Variants in ADAMTSL3 observed in about 807,000 individuals in gnomAD.
The protein encoded by ADAMTSL3 is ADAMTS-like protein 3.
ADAMTSL3 carries 128 observed loss-of-function variants against 201.7 expected under a neutral mutation model. That is an observed-to-expected ratio of 0.63 (90% CI 0.55 to 0.73). The LOEUF (loss-of-function observed/expected upper bound fraction) is 0.73. Among genes scored for constraint, ADAMTSL3 ranks in the 30% least tolerant of loss-of-function variants. The pLI is 0.00. For synonymous variants in ADAMTSL3, 738 were observed against 748.4 expected (o/e 0.99, Z 0.23); for missense variants, 1,990 against 2,119.6 (o/e 0.94, Z 1.20).
intron 2 of ADAMTSL3, among the ~76,000 whole-genome samples, chr15:83,667,069 C>T (rs1013651017): frequency 1.3e-5 from 2 of 151,936 alleles, no homozygotes; most frequent in African/African-American, 4.8e-5. Flanking sequence ...GTCTAGGAGG[C>T]TCTTAATTTT....
chr15:84,022,152 C>T (rs1343601695), intron 26 of ADAMTSL3, among the ~76,000 whole-genome samples: 2 of 152,134 alleles, frequency 1.3e-5, no homozygotes, highest in Non-Finnish European at 1.5e-5. Context: ...TTGATGACTA[C>T]ATCCTAGATG....
In ADAMTSL3 at chr15:83,757,801, A is replaced by T. The variant is rs369715141; in HGVS notation, c.190-15722A>T. ...ACCTCTTGAATGCTTTGCTGCTTAG[A>T]AATTTCTTCCACCAGATACCCTGAA... On this transcript the variant is annotated intron_variant, in intron 3 of 29. Coordinates refer to ENST00000286744, the MANE Select transcript of ADAMTSL3 (RefSeq NM_207517.3). Among the ~76,000 whole-genome samples the T allele has an allele frequency of 1.1e-4, 17 of 152,286 alleles. No individual in the cohort carries two copies. In the East Asian group the frequency reaches 2.5e-3, roughly 23 times the overall value.
chr15:83,797,963 T>C (rs774762386), intron 4 of ADAMTSL3, among the ~76,000 whole-genome samples: 2 of 152,152 alleles, frequency 1.3e-5, no homozygotes, highest in Non-Finnish European at 2.9e-5. Context: ...TTTAGGAAAA[T>C]TGATCAATGA....
chr15:83,866,009 A>T (rs2064968121), intron 8 of ADAMTSL3, among the ~76,000 whole-genome samples: 1 of 152,268 alleles, frequency 6.6e-6, no homozygotes, highest in Admixed American at 6.5e-5. Flanking sequence ...ACATGAAAAA[A>T]TGCTCATCAT....
chr15:83,932,576 G>C (rs116726020), intron 17 of ADAMTSL3, among the ~76,000 whole-genome samples: 1,760 of 152,302 alleles, frequency 0.012, 34 homozygotes, highest in African/African-American at 0.04. Context: ...AGAACTATCT[G>C]TCTCAGGTCT....
At chr15:83,994,078 G>A (rs1393625871) in intron 23 of ADAMTSL3, among the ~76,000 whole-genome samples, 2 of 152,202 alleles carry the variant, frequency 1.3e-5, no homozygotes, top group African/African-American at 4.8e-5. Flanking sequence ...ATGGTAATGA[G>A]TTTGAGCTAG....
intron 21 of ADAMTSL3, among the ~76,000 whole-genome samples, chr15:83,986,170 G>C (rs1296983058): frequency 6.6e-6 from 1 of 152,066 alleles, no homozygotes; most frequent in Non-Finnish European, 1.5e-5. Context: ...TAGACTTCTG[G>C]GGGGTTCATG....
rs114298369 is a variant in ADAMTSL3 at position 83,757,508 on chromosome 15, C to T, written c.190-16015C>T. 4.6e-3 allele frequency among the ~76,000 whole-genome samples: 702 copies of T among 152,270 alleles called. 4 individuals are homozygous for T. Among genetic ancestry groups the T allele is most frequent in the African/African-American group, 0.016 (666 of 41,556 alleles). On this transcript the variant is annotated intron_variant, in intron 3 of 29. Coordinates refer to ENST00000286744, the MANE Select transcript of ADAMTSL3 (RefSeq NM_207517.3). Reference sequence around the variant, plus strand: ...CAGCAGGGGGGCCCTGGGCCCTGGCCCATGAAACCATTTGTTCCTCCTACG... The same window carrying T: ...CAGCAGGGGGGCCCTGGGCCCTGGCTCATGAAACCATTTGTTCCTCCTACG...
intron 15 of ADAMTSL3, among the ~76,000 whole-genome samples, chr15:83,908,598 A>G (rs11259930): frequency 0.63 from 95,402 of 152,056 alleles, 31,020 homozygotes; most frequent in African/African-American, 0.79. Flanking sequence ...CTCTTACTCT[A>G]TCTTTTCCTG....
chr15:83,669,157 T>G (rs1443623478), intron 2 of ADAMTSL3, among the ~76,000 whole-genome samples: 1 of 152,004 alleles, frequency 6.6e-6, no homozygotes, highest in Non-Finnish European at 1.5e-5. Context: ...TATTTATTTA[T>G]TTTTTTTAGA....
chr15:83,890,454 G>T (rs1230234760), intron 11 of ADAMTSL3, among the ~76,000 whole-genome samples: 1 of 152,160 alleles, frequency 6.6e-6, no homozygotes, highest in Non-Finnish European at 1.5e-5. Flanking sequence ...CTTGTCGTGG[G>T]CTATGTGTTC....
At chr15:83,949,667 C>G (rs1298885988) in intron 19 of ADAMTSL3, among the ~76,000 whole-genome samples, 3 of 152,140 alleles carry the variant, frequency 2.0e-5, no homozygotes, top group African/African-American at 4.8e-5. Flanking sequence ...TCCCTGCCAA[C>G]ATTTGTTATT....
At chr15:83,979,147 C>T (rs374119249) in intron 20 of ADAMTSL3, among the ~76,000 whole-genome samples, 5 of 152,340 alleles carry the variant, frequency 3.3e-5, no homozygotes, top group South Asian at 2.1e-4. Flanking sequence ...TGTGTGCTTC[C>T]GCACCATCCC....
At chr15:83,674,335 A>G (rs558151972) in intron 2 of ADAMTSL3, among the ~76,000 whole-genome samples, 68 of 152,172 alleles carry the variant, frequency 4.5e-4, no homozygotes, top group Admixed American at 7.8e-4. Context: ...ACTTTTGCCT[A>G]TGATGTCCAA....
At chr15:83,748,593 T>C (rs2062585981) in intron 3 of ADAMTSL3, among the ~76,000 whole-genome samples, 1 of 128,120 alleles carries the variant, frequency 7.8e-6, no homozygotes. Context: ...AGGGCTGCAA[T>C]GAACTGAGAT....
At chr15:83,983,463 A>G (rs1256212035) in intron 21 of ADAMTSL3, 119 bp downstream of exon 21, 3 of 813,052 alleles carry the variant, frequency 3.7e-6, no homozygotes, top group Non-Finnish European at 5.5e-6. Context: ...AGGATTCTTT[A>G]GGAAAGAAAC....
chr15:83,869,017 A>G (rs540530116), intron 8 of ADAMTSL3, among the ~76,000 whole-genome samples: 13 of 152,180 alleles, frequency 8.5e-5, no homozygotes, highest in South Asian at 2.1e-4. Context: ...GCTGTGGTCC[A>G]GAAGGTTAGC....
At chr15:83,906,553 A>G (rs2065835491) in intron 15 of ADAMTSL3, among the ~76,000 whole-genome samples, 1 of 151,546 alleles carries the variant, frequency 6.6e-6, no homozygotes, top group Non-Finnish European at 1.5e-5. Context: ...CTAACAGTAA[A>G]TGTGGTTGAA....
At chr15:83,846,546 C>G (rs2064502153) in intron 7 of ADAMTSL3, among the ~76,000 whole-genome samples, 1 of 152,220 alleles carries the variant, frequency 6.6e-6, no homozygotes. Context: ...TCAGCCAACC[C>G]ACCCCTTGTT....
Sources: allele counts gnomAD v4.1 joint callset (sites outside exome capture counted in the v4.1 genomes callset), GRCh38; gene constraint gnomAD v4.1.1; transcripts MANE v1.5; gene names NCBI Gene and HGNC (gene_info 2026-07-23, HGNC 2026-07-21).